CASD1: variants seen among roughly 807,000 people sequenced by gnomAD.
CASD1 encodes N-acetylneuraminate (7)9-O-acetyltransferase.
Under a neutral mutation model 100.0 loss-of-function variants are expected in CASD1, and 41 were observed. The observed-to-expected ratio is 0.41, with a 90% confidence interval of 0.32 to 0.53. The LOEUF (loss-of-function observed/expected upper bound fraction) is 0.53. CASD1 is among the 20% of genes least tolerant of loss of function. The probability of loss-of-function intolerance (pLI) is 0.25; values close to 1 mark genes in which losing one functional copy is unlikely to be tolerated. For missense variants in CASD1, 774 were observed against 948.7 expected (o/e 0.82, Z 2.42); for synonymous variants, 321 against 315.6 (o/e 1.02, Z -0.18).
chr7:94,600,503 A>T, the CASD1 span: 2 of 650,262 alleles, frequency 3.1e-6, no homozygotes, highest in Non-Finnish European at 2.7e-6. Context: ...ATTTTAAAGG[A>T]ATAAAGTATT....
At chr7:94,525,102 C>CATAGA (rs201679244) in intron 3 of CASD1, among the ~76,000 whole-genome samples, 9,642 of 152,000 alleles carry the variant, frequency 0.063, 441 homozygotes, top group Middle Eastern at 0.12. Flanking sequence ...TCACATAGTT[C>CATAGA]AGCAAAAGAG....
intron 10 of CASD1, among the ~76,000 whole-genome samples, chr7:94,541,356 G>T (rs911542887): frequency 1.3e-5 from 2 of 151,582 alleles, no homozygotes; most frequent in Non-Finnish European, 2.9e-5. Context: ...TATGCTAAAA[G>T]ATAACTGTAT....
intron 1 of CASD1, among the ~76,000 whole-genome samples, chr7:94,514,437 G>C (rs1275650764): frequency 6.6e-6 from 1 of 152,102 alleles, no homozygotes; most frequent in Non-Finnish European, 1.5e-5. Flanking sequence ...TATTTTAATG[G>C]TTGGTAGTAG....
chr7:94,576,058 T>G, the CASD1 span, among the ~76,000 whole-genome samples: 1 of 152,188 alleles, frequency 6.6e-6, no homozygotes, highest in Non-Finnish European at 1.5e-5. Context: ...TCTTGATGTA[T>G]TCTTCCTGTC....
chr7:94,626,202 TA>T, the CASD1 span: 3 of 152,090 alleles, frequency 2.0e-5, no homozygotes, highest in African/African-American at 7.2e-5. Flanking sequence ...GTGTTGAAAA[TA>T]TCTTCTCCCA....
In CASD1 at chr7:94,516,389, T is replaced by C. The variant is rs968596734; in HGVS notation, c.134-1171T>C. Among the ~76,000 whole-genome samples, 6 of 152,316 alleles carry C rather than the reference T, an allele frequency of 3.9e-5. No individual in the cohort carries two copies. In the East Asian group the frequency reaches 1.2e-3, roughly 29 times the overall value. On this transcript the variant is annotated intron_variant, in intron 1 of 17. Coordinates refer to ENST00000297273, the MANE Select transcript of CASD1 (RefSeq NM_022900.5). Reference sequence around the variant, plus strand: ...TTTGGCTAGATAATGAGTAACTAGATTGAGAAAAGAGATGTGTTCTTCTCC... The same window carrying C: ...TTTGGCTAGATAATGAGTAACTAGACTGAGAAAAGAGATGTGTTCTTCTCC...
At chr7:94,515,059 T>G (rs538989712) in intron 1 of CASD1, among the ~76,000 whole-genome samples, 1 of 152,230 alleles carries the variant, frequency 6.6e-6, no homozygotes, top group Non-Finnish European at 1.5e-5. Context: ...ATAATAGTAG[T>G]AGTAATTTAT....
At chr7:94,529,788 A>G (rs905428268) in intron 5 of CASD1, among the ~76,000 whole-genome samples, 2 of 152,188 alleles carry the variant, frequency 1.3e-5, no homozygotes, top group Non-Finnish European at 2.9e-5. Context: ...TTATGAAAGT[A>G]CCATGGATAG....
the CASD1 span, chr7:94,624,192 T>C: frequency 2.5e-6 from 1 of 395,056 alleles, no homozygotes; most frequent in African/African-American, 2.1e-5. Flanking sequence ...AATGATTGTG[T>C]CAAAATCTTA....
At chr7:94,567,988 A>C in the CASD1 span, among the ~76,000 whole-genome samples, 10 of 152,196 alleles carry the variant, frequency 6.6e-5, no homozygotes, top group African/African-American at 2.4e-4. Flanking sequence ...CATGAATATC[A>C]ACAGGTTTTT....
At chr7:94,527,747 C>A (rs770186940) in intron 4 of CASD1, among the ~76,000 whole-genome samples, 2 of 152,018 alleles carry the variant, frequency 1.3e-5, no homozygotes, top group Non-Finnish European at 2.9e-5. Context: ...GTGCAAAGTC[C>A]TAGAGAAAAA....
intron 1 of CASD1, among the ~76,000 whole-genome samples, chr7:94,516,613 A>G (rs1793988159): frequency 6.6e-6 from 1 of 152,030 alleles, no homozygotes; most frequent in Non-Finnish European, 1.5e-5. Context: ...CTAAACATCT[A>G]ATTCTGCCCC....
At chr7:94,578,765 A>T in the CASD1 span, among the ~76,000 whole-genome samples, 1 of 152,148 alleles carries the variant, frequency 6.6e-6, no homozygotes, top group African/African-American at 2.4e-5. Flanking sequence ...TTGCTAGAAG[A>T]AGGGTAAGTT....
chr7:94,624,537 A>C, the CASD1 span: 74 of 261,070 alleles, frequency 2.8e-4, 1 homozygote, highest in South Asian at 1.5e-3. Context: ...CCTTGCTGTT[A>C]TCTGTTGGGA....
At chr7:94,567,595 G>A in the CASD1 span, among the ~76,000 whole-genome samples, 6,477 of 152,110 alleles carry the variant, frequency 0.043, 437 homozygotes, top group African/African-American at 0.15. Flanking sequence ...TCAACATTGT[G>A]GTCATCTTTA....
At chr7:94,600,860 G>A in the CASD1 span, 1 of 1,603,592 alleles carries the variant, frequency 6.2e-7, no homozygotes, top group Non-Finnish European at 8.5e-7. Flanking sequence ...TTATCAACCT[G>A]ATATAAAAGA....
chr7:94,585,462 T>G, the CASD1 span: 77 of 1,586,988 alleles, frequency 4.9e-5, no homozygotes, highest in Admixed American at 1.0e-4. Context: ...CTATATTGTC[T>G]GATTATAAAT....
chr7:94,517,753 G>A, intron 2 of CASD1, 97 bp downstream of exon 2: 1 of 721,532 alleles, frequency 1.4e-6, no homozygotes, highest in Non-Finnish European at 2.4e-6. Flanking sequence ...CTCTATGTTG[G>A]GGTAGAGACT....
At chr7:94,510,283 C>T in intron 1 of CASD1, 66 bp downstream of exon 1, 1 of 1,210,198 alleles carries the variant, frequency 8.3e-7, no homozygotes, top group Non-Finnish European at 1.1e-6. Context: ...GGCTGGAGGC[C>T]GCCCCCATCG....
Sources: gnomAD v4.1 joint callset for allele counts (sites outside exome capture counted in the v4.1 genomes callset) on GRCh38, gnomAD v4.1.1 for gene constraint, MANE v1.5 for transcripts, NCBI Gene and HGNC (gene_info 2026-07-23, HGNC 2026-07-21) for gene names.